The following PNPLA7 variants were observed in gnomAD, a reference collection of about 807,000 sequenced individuals.
PNPLA7 encodes patatin like domain 7, lysophospholipase, also known as patatin-like phospholipase domain-containing protein 7.
A neutral mutation model predicts 161.7 loss-of-function variants in PNPLA7; 153 were observed. The observed-to-expected ratio is 0.95, with a 90% CI of 0.83 to 1.08. The LOEUF is 1.08. Among genes scored for constraint, PNPLA7 ranks in the 50% least tolerant of loss-of-function variants. The probability of loss-of-function intolerance (pLI) is 0.00; values close to 1 mark genes in which losing one functional copy is unlikely to be tolerated. For synonymous variants in PNPLA7, 809 were observed against 782.1 expected, an observed-to-expected ratio of 1.03 and a Z score of -0.57; for missense variants, 1,739 against 1,856.6, an observed-to-expected ratio of 0.94 and a Z score of 1.16.
chr9:137,461,548 C>A lies in PNPLA7; in HGVS notation c.3829G>T (p.Ala1277Ser), dbSNP rs1831196761. The change falls in exon 33 of 35, where the codon GCC becomes TCC. Residue 1277 changes from alanine (A) to serine (S), a missense_variant. Physicochemically the swap from Ala to Ser is moderately conservative, Grantham distance 99 (BLOSUM62 1). Around this residue, in one of 6 missense-constraint regions of PNPLA7, gnomAD observed 703 missense variants for 694.6 expected, o/e 1.01. Coordinates refer to ENST00000406427, the MANE Select transcript of PNPLA7 (RefSeq NM_001098537.3). ...IVSRIEPAKP[A>S]MVDDESDYQT... ...CGCCTCCACTCACCATCCACCATGG[C>A]GGGCTTGGCGGGCTCAATGCGAGAC... is the stretch of plus-strand genomic sequence containing the variant. 6.2e-7 allele frequency: 1 copy of A among 1,611,728 alleles called. No homozygotes were observed. The highest frequency in any genetic ancestry group is 8.5e-7 in the Non-Finnish European group (1 of 1,179,110).
intron 25 of PNPLA7, among the ~76,000 whole-genome samples, chr9:137,475,464 C>T (rs1185050617): frequency 2.6e-5 from 4 of 152,146 alleles, no homozygotes; most frequent in African/African-American, 9.7e-5. Flanking sequence ...AAGCTCCATC[C>T]CCCCGGTTCA....
Position 137,515,498 on chromosome 9 carries a change from G to A in PNPLA7, c.1106C>T (p.Ala369Val). 6.4e-7 allele frequency: 1 copy of A among 1,561,254 alleles called. No homozygotes were observed. Among genetic ancestry groups the A allele is most frequent in the South Asian group, 1.2e-5 (1 of 83,934 alleles). ...CDSDHGGGRP[A>V]AAGPLLKRSH... ...CCTCTTCAGCAGGGGCCCAGCAGCT[G>A]CCGGGCGGCCGCCCCCGTGATCTGC... The change falls in exon 12 of 35, where the codon GCA becomes GTA. Residue 369 changes from alanine to valine, a missense_variant. Transcript: ENST00000406427.
rs901960156 is a variant in PNPLA7, at chr9:137,541,546, T to C, written c.667-824A>G. On this transcript the variant is annotated intron_variant, in intron 7 of 34. Coordinates refer to ENST00000406427, the MANE Select transcript of PNPLA7 (RefSeq NM_001098537.3). This position sits in a 1 kb window ranked among gnomAD's most constrained non-coding sequence, Gnocchi z 4.4. Reference sequence around the variant, plus strand: ...GCAGGAGCCCTGCAGGTCAGGGTGATGATCACACAAAGCCCAGGGTTTGCT... The same window carrying C: ...GCAGGAGCCCTGCAGGTCAGGGTGACGATCACACAAAGCCCAGGGTTTGCT... 6.8e-5 allele frequency: 66 copies of C among 964,544 alleles called. No individual in the cohort carries two copies. The highest frequency in any genetic ancestry group is 7.8e-5 in the Non-Finnish European group (63 of 810,964). The allele number at this position is 964,544 out of a possible 1,614,324, so 59.7% of individuals were successfully genotyped here. A position where few individuals can be genotyped will look rare whatever the true frequency, so the allele number is the denominator to read the frequency against.
At chr9:137,464,284 G>C in intron 27 of PNPLA7, 56 bp downstream of exon 27, 1 of 1,604,864 alleles carries the variant, frequency 6.2e-7, no homozygotes, top group Non-Finnish European at 8.5e-7. Flanking sequence ...AGAGGTGGGG[G>C]GCCAGGAGGG....
chr9:137,521,749 C>T (rs200457103), intron 9 of PNPLA7, 33 bp from the exon 10 acceptor site: 74 of 1,593,968 alleles, frequency 4.6e-5, no homozygotes, highest in East Asian at 3.8e-4. Flanking sequence ...CGGTGACCAC[C>T]GGCCTGGGGT....
At chr9:137,482,817 C>CT (rs1832287017) in intron 21 of PNPLA7, among the ~76,000 whole-genome samples, 2 of 152,258 alleles carry the variant, frequency 1.3e-5, no homozygotes, top group South Asian at 4.1e-4. Flanking sequence ...TGGGGTCTCT[C>CT]TTTACTATTC....
chr9:137,518,316 C>T (rs1588663878), intron 11 of PNPLA7, among the ~76,000 whole-genome samples: 1 of 128,084 alleles, frequency 7.8e-6, no homozygotes, highest in Non-Finnish European at 1.6e-5. Flanking sequence ...TCTGTCCACT[C>T]CATCCCCCAC....
chr9:137,460,678 A>T lies in PNPLA7; in HGVS notation c.3901T>A (p.Tyr1301Asn). ...GCTGAGGTGCTCTGGAAGTCTGCGT[A>T]TGCATCCCTGGGGACGTCCAGCAGC... Reference protein sequence around the residue: ...EELLDVPRDAYADFQSTSAQQ... With the variant: ...EELLDVPRDANADFQSTSAQQ... The change falls in exon 34 of 35, where the codon TAC (tyrosine) becomes AAC (asparagine). Residue 1301 changes from tyrosine to asparagine, a missense_variant. By Grantham distance (143) the Tyr-to-Asn change is moderately radical. Around this residue, in one of 6 missense-constraint regions of PNPLA7, gnomAD observed 703 missense variants for 694.6 expected, o/e 1.01. Transcript: ENST00000406427. The T allele has an allele frequency of 6.2e-7, 1 of 1,612,844 alleles. No homozygotes were observed. The highest frequency in any genetic ancestry group is 8.5e-7 in the Non-Finnish European group (1 of 1,179,918).
At position 137,493,064 on chromosome 9, in the gene PNPLA7, G is replaced by A; in HGVS notation, c.2146C>T (p.His716Tyr). 6.2e-7 allele frequency: 1 copy of A among 1,613,936 alleles called. No homozygotes were observed. Among genetic ancestry groups the A allele is most frequent in the Non-Finnish European group, 8.5e-7 (1 of 1,180,016 alleles). Reference sequence around the variant, plus strand: ...CCCAGGATCTTCTCACCCAAGAGATGAATCAGCCGAGTCACCACCTGCGGG... The same window carrying A: ...CCCAGGATCTTCTCACCCAAGAGATAAATCAGCCGAGTCACCACCTGCGGG... Reference protein sequence around the residue: ...RYPQVVTRLIHLLGEKILGSL... With the variant: ...RYPQVVTRLIYLLGEKILGSL... The change falls in exon 20 of 35, where the codon CAT (histidine) becomes TAT (tyrosine). Residue 716 changes from histidine (H) to tyrosine (Y), a missense_variant. By Grantham distance (83) the His-to-Tyr change is moderately conservative. Transcript: ENST00000406427.
In PNPLA7 at chr9:137,463,408, G is replaced by C; in HGVS notation, c.3343+7C>G. ...TCCTGCCGGGCGTGGTCCCCCCACC[G>C]CAGTACCTGGGAGGTTGTTGATGTA... On this transcript the variant is annotated splice_region_variant and intron_variant, in intron 29 of 34. Transcript: ENST00000406427. 1 of 1,597,434 alleles carries C rather than the reference G, an allele frequency of 6.3e-7. No individual in the cohort carries two copies. The highest frequency in any genetic ancestry group is 8.5e-7 in the Non-Finnish European group (1 of 1,171,202).
At position 137,476,021 on chromosome 9, in the gene PNPLA7, A is replaced by G. The variant is rs1366506724; in HGVS notation, c.2882+2013T>C. Among the ~76,000 whole-genome samples the G allele has an allele frequency of 6.6e-6, 1 of 152,242 alleles. No homozygotes were observed. The highest frequency in any genetic ancestry group is 2.4e-5 in the African/African-American group (1 of 41,474). On this transcript the variant is annotated intron_variant, in intron 25 of 34. Transcript: ENST00000406427. The surrounding 1 kb of genome is among the most constrained non-coding windows in gnomAD (Gnocchi z 4.5). ...AAGACATGAAATTACAGGAAATGGA[A>G]TTGAACACAGGAGAGAAACAAAGGC... is the stretch of plus-strand genomic sequence containing the variant.
rs7028754 is a variant in PNPLA7, at chr9:137,476,471, G to A, written c.2882+1563C>T. Among the ~76,000 whole-genome samples, 10,956 of 151,976 alleles carry A rather than the reference G, an allele frequency of 0.072. 1,300 individuals are homozygous for A. The highest frequency in any genetic ancestry group is 0.25 in the African/African-American group (10,207 of 41,360). On this transcript the variant is annotated intron_variant, in intron 25 of 34. Coordinates refer to ENST00000406427, the MANE Select transcript of PNPLA7 (RefSeq NM_001098537.3). The surrounding 1 kb of genome is among the most constrained non-coding windows in gnomAD (Gnocchi z 4.5). ...TCAATAGTTAGCAGACTCTGATTGC[G>A]GGTGTTGAAGGGGGTTAAGAAGTCA...
Position 137,478,167 on chromosome 9 carries a change from G to A in PNPLA7, c.2764-15C>T, listed in dbSNP as rs888877141. The A allele has an allele frequency of 5.5e-6, 7 of 1,282,392 alleles. No individual in the cohort carries two copies. The highest frequency in any genetic ancestry group is 4.6e-5 in the African/African-American group (3 of 64,660). 79.4% of individuals were successfully genotyped at this position (1,282,392 alleles called of 1,614,324 possible). ...TACATCTCCACCTGGGGGAGGAGCC[G>A]TCAGGCAGGGCTGGTGCAGGGCCCC... On this transcript the variant is annotated splice_polypyrimidine_tract_variant and intron_variant, in intron 24 of 34. Coordinates refer to ENST00000406427, the MANE Select transcript of PNPLA7 (RefSeq NM_001098537.3).
At position 137,460,074 on chromosome 9, in the gene PNPLA7, G is replaced by T. The variant is rs1831097082; in HGVS notation, c.*319C>A. On this transcript the variant is annotated 3_prime_UTR_variant, in exon 35 of 35. Transcript: ENST00000406427. The stretch of plus-strand genomic sequence containing the variant: ...CACAGGGCTTTGGGGGCCTCACAGG[G>T]CAGCAGGTGGTTCACAGGGCTTCGG... The T allele has an allele frequency of 5.1e-5, 16 of 315,842 alleles. No individual in the cohort carries two copies. Among genetic ancestry groups the T allele is most frequent in the South Asian group, 4.9e-4 (16 of 32,516 alleles). 19.6% of individuals were successfully genotyped at this position (315,842 alleles called of 1,614,324 possible).
chr9:137,461,389 G>A, intron 33 of PNPLA7, 147 bp downstream of exon 33: 2 of 844,318 alleles, frequency 2.4e-6, no homozygotes, highest in Non-Finnish European at 3.5e-6. Context: ...ACGGAGGAGT[G>A]CCACCAAGCA....
intron 14 of PNPLA7, among the ~76,000 whole-genome samples, chr9:137,504,789 T>C (rs1212231416): frequency 1.3e-5 from 2 of 152,160 alleles, no homozygotes; most frequent in African/African-American, 4.8e-5. Flanking sequence ...GGGGAGGGAC[T>C]AGGAGTACAG....
chr9:137,466,508 C>T (rs1449029970), intron 26 of PNPLA7, among the ~76,000 whole-genome samples: 1 of 151,216 alleles, frequency 6.6e-6, no homozygotes, highest in East Asian at 1.9e-4. Flanking sequence ...CCATCTAAGA[C>T]CCGGGCACAG....
intron 20 of PNPLA7, among the ~76,000 whole-genome samples, chr9:137,491,157 G>A (rs1004111255): frequency 1.3e-5 from 2 of 152,154 alleles, no homozygotes. Flanking sequence ...TACTCAGGAG[G>A]CTGAGGGGGG....
rs138849778 is a variant in PNPLA7 at position 137,543,048 on chromosome 9, C to T, written c.507-247G>A. On this transcript the variant is annotated intron_variant, in intron 6 of 34. Transcript: ENST00000406427. The surrounding 1 kb of genome is among the most constrained non-coding windows in gnomAD (Gnocchi z 6.9). Reference sequence around the variant, plus strand: ...CCCGTGAACCTGAGCCACACACACACGGGAGGAAGGCAAAGGTGGCCTCCA... The same window carrying T: ...CCCGTGAACCTGAGCCACACACACATGGGAGGAAGGCAAAGGTGGCCTCCA... 3.9e-5 allele frequency among the ~76,000 whole-genome samples: 6 copies of T among 152,268 alleles called. No individual in the cohort carries two copies. The highest frequency in any genetic ancestry group is 4.1e-4 in the South Asian group (2 of 4,820).
Sources: gnomAD v4.1 joint callset for allele counts (sites outside exome capture counted in the v4.1 genomes callset) on GRCh38, gnomAD v4.1.1 for gene constraint, gnomAD v4.1.1 regional missense constraint, Gnocchi (gnomAD v3.1) non-coding constraint, MANE v1.5 for transcripts, NCBI Gene and HGNC (gene_info 2026-07-23, HGNC 2026-07-21) for gene names.